The following DPYSL5 variants were observed in gnomAD, a reference collection of about 807,000 sequenced individuals.
DPYSL5 encodes dihydropyrimidinase like 5.
DPYSL5 carries 9 observed loss-of-function variants against 58.4 expected under a neutral mutation model. The observed-to-expected ratio is 0.15, with a 90% CI of 0.09 to 0.27. The LOEUF (loss-of-function observed/expected upper bound fraction) is 0.27. Ranked by LOEUF, DPYSL5 falls within the 10% of genes least tolerant of loss-of-function variation. The probability of loss-of-function intolerance (pLI) is 1.00; values close to 1 mark genes in which losing one functional copy is unlikely to be tolerated. For synonymous variants in DPYSL5, 293 were observed against 301.9 expected (o/e 0.97, Z 0.31); for missense variants, 499 against 770.6 (o/e 0.65, Z 4.17).
chr2:26,877,946 G>A lies in DPYSL5; in HGVS notation c.-4-20550G>A, dbSNP rs1471958427. Among the ~76,000 whole-genome samples the A allele has an allele frequency of 1.3e-5, 2 of 152,192 alleles. No individual in the cohort carries two copies. Among genetic ancestry groups the A allele is most frequent in the East Asian group, 3.8e-4 (2 of 5,204 alleles). On this transcript the variant is annotated intron_variant, in intron 1 of 12. Transcript: ENST00000288699. The surrounding 1 kb of genome is among the most constrained non-coding windows in gnomAD (Gnocchi z 4.1). The stretch of plus-strand genomic sequence containing the variant: ...CAGTCCTCCTATTGTCAGACTTTAA[G>A]CTGGATCTCAAAATATTTGTTATTA...
rs1320040908 is a variant in DPYSL5, at chr2:26,931,167, A to ATGTG, written c.670-472_670-471insGTGT. ...AAAAAAAAAAAATATATATATATAT[A>ATGTG]TATGTGTGTGTGTGTGTGTGTGTGT... is the stretch of plus-strand genomic sequence containing the variant. On this transcript the variant is annotated intron_variant, in intron 5 of 12. Transcript: ENST00000288699. Among the ~76,000 whole-genome samples, 262 of 54,228 alleles carry ATGTG rather than the reference A, an allele frequency of 4.8e-3. 1 individual carries two copies. The highest frequency in any genetic ancestry group is 6.8e-3 in the South Asian group (7 of 1,022). 35.6% of individuals were successfully genotyped at this position (54,228 alleles called of 152,430 possible).
rs113530165 is a variant in DPYSL5, at chr2:26,939,926, G to A, written c.948-105G>A. 6.7e-4 allele frequency: 998 copies of A among 1,487,476 alleles called. 2 individuals are homozygous for A. The highest frequency in any genetic ancestry group is 1.7e-3 in the South Asian group (131 of 79,110). 92.1% of individuals were successfully genotyped at this position (1,487,476 alleles called of 1,614,324 possible). The stretch of plus-strand genomic sequence containing the variant: ...AAGCGGCAGAGCTGAAATTGGAGTC[G>A]GCTTTGCCTGCTTCCCACACGGAGG... On this transcript the variant is annotated intron_variant, in intron 8 of 12. Coordinates refer to ENST00000288699, the MANE Select transcript of DPYSL5 (RefSeq NM_020134.4).
At position 26,934,863 on chromosome 2, in the gene DPYSL5, C is replaced by T. The variant is rs957672336; in HGVS notation, c.947+129C>T. 2.4e-6 allele frequency: 3 copies of T among 1,245,830 alleles called. No homozygotes were observed. Among genetic ancestry groups the T allele is most frequent in the African/African-American group, 3.0e-5 (2 of 66,664 alleles). The allele number at this position is 1,245,830 out of a possible 1,614,324, so 77.2% of individuals were successfully genotyped here. A position where few individuals can be genotyped will look rare whatever the true frequency, so the allele number is the denominator to read the frequency against. ...CATAGGATCATTGTGCTTTTCTTAC[C>T]TTCTCTGAGCCCATCAGATAATTGC... is the stretch of plus-strand genomic sequence containing the variant. On this transcript the variant is annotated intron_variant, in intron 8 of 12. Coordinates refer to ENST00000288699, the MANE Select transcript of DPYSL5 (RefSeq NM_020134.4). This position sits in a 1 kb window ranked among gnomAD's most constrained non-coding sequence, Gnocchi z 4.3.
At chr2:26,895,839 G>C (rs962125407) in intron 1 of DPYSL5, among the ~76,000 whole-genome samples, 1 of 143,308 alleles carries the variant, frequency 7.0e-6, no homozygotes, top group South Asian at 2.2e-4. Context: ...GAAGGGCAGT[G>C]GCATGATCTC....
Position 26,942,115 on chromosome 2 carries a change from A to T in DPYSL5, c.1232+23A>T. 1.2e-6 allele frequency: 2 copies of T among 1,611,948 alleles called. No homozygotes were observed. Among genetic ancestry groups the T allele is most frequent in the Non-Finnish European group, 1.7e-6 (2 of 1,179,116 alleles). On this transcript the variant is annotated intron_variant, in intron 10 of 12. Transcript: ENST00000288699. The surrounding 1 kb of genome is among the most constrained non-coding windows in gnomAD (Gnocchi z 5.9). The stretch of plus-strand genomic sequence containing the variant: ...AAAGTAAAGTTTGTTGCTCGTCCCC[A>T]GGGCTAGAGGGGCTTGGGATTTTGA...
intron 1 of DPYSL5, among the ~76,000 whole-genome samples, chr2:26,889,668 T>C (rs1488903506): frequency 1.3e-5 from 2 of 151,316 alleles, no homozygotes; most frequent in Admixed American, 6.6e-5. Context: ...CCCTTTATGG[T>C]GCTTAAGAAC....
intron 2 of DPYSL5, among the ~76,000 whole-genome samples, chr2:26,921,130 G>T (rs1290491001): frequency 2.0e-5 from 3 of 152,120 alleles, no homozygotes; most frequent in Non-Finnish European, 4.4e-5. Context: ...CATGCTATTT[G>T]GCCCGGGGAT....
chr2:26,939,861 T>G, intron 8 of DPYSL5, 170 bp from the exon 9 acceptor site: 1 of 765,412 alleles, frequency 1.3e-6, no homozygotes, highest in Non-Finnish European at 2.1e-6. Context: ...TAAACTGAGG[T>G]TCACATAGAT....
chr2:26,901,673 G>T (rs568692319), intron 2 of DPYSL5, among the ~76,000 whole-genome samples: 2 of 152,056 alleles, frequency 1.3e-5, no homozygotes, highest in Admixed American at 6.5e-5. Context: ...AATCTCACCC[G>T]AACGATTAGC....
Position 26,942,042 on chromosome 2 carries a change from T to C in DPYSL5, c.1182T>C (p.Ile394=), listed in dbSNP as rs1665336393. 8 of 1,614,184 alleles carry C rather than the reference T, an allele frequency of 5.0e-6. No homozygotes were observed. The highest frequency in any genetic ancestry group is 6.8e-6 in the Non-Finnish European group (8 of 1,180,036). Residue 394 remains isoleucine (I), a synonymous_variant, in exon 10 of 13, where the codon ATT becomes ATC. Coordinates refer to ENST00000288699, the MANE Select transcript of DPYSL5 (RefSeq NM_020134.4). This position sits in a 1 kb window ranked among gnomAD's most constrained non-coding sequence, Gnocchi z 5.9. ...LLNLYPRKGR[I]IPGADADVVV... is the part of the protein sequence containing the mutation. Reference sequence around the variant, plus strand: ...ACCTGTATCCCCGCAAGGGCCGCATTATTCCCGGAGCCGATGCTGATGTGG... The same window carrying C: ...ACCTGTATCCCCGCAAGGGCCGCATCATTCCCGGAGCCGATGCTGATGTGG...
chr2:26,932,742 G>A (rs979298707), intron 6 of DPYSL5, among the ~76,000 whole-genome samples: 8 of 152,234 alleles, frequency 5.3e-5, no homozygotes, highest in South Asian at 4.2e-4. Context: ...CCAGGTGTCC[G>A]TTCGCAAGGT....
At chr2:26,875,971 C>T (rs183402893) in intron 1 of DPYSL5, among the ~76,000 whole-genome samples, 4 of 152,254 alleles carry the variant, frequency 2.6e-5, no homozygotes, top group South Asian at 2.1e-4. Flanking sequence ...TCTCTTTTAT[C>T]GGTAGGTATG....
At chr2:26,943,781 T>C (rs1344044970) in intron 11 of DPYSL5, among the ~76,000 whole-genome samples, 3 of 152,180 alleles carry the variant, frequency 2.0e-5, no homozygotes, top group African/African-American at 7.2e-5. Flanking sequence ...AGAGTTGGGA[T>C]TGGAACCTAG....
At chr2:26,906,384 A>G (rs1664291853) in intron 2 of DPYSL5, among the ~76,000 whole-genome samples, 1 of 151,876 alleles carries the variant, frequency 6.6e-6, no homozygotes, top group African/African-American at 2.4e-5. Flanking sequence ...AGGTTTCACC[A>G]TGTTGGCCAG....
intron 1 of DPYSL5, among the ~76,000 whole-genome samples, chr2:26,852,634 G>A (rs1051112577): frequency 4.6e-5 from 7 of 152,164 alleles, no homozygotes; most frequent in East Asian, 1.9e-4. Flanking sequence ...CAGCGGTAGC[G>A]TGTACAGGAG....
chr2:26,878,531 CT>C (rs1663469296), intron 1 of DPYSL5, among the ~76,000 whole-genome samples: 1 of 152,012 alleles, frequency 6.6e-6, no homozygotes, highest in South Asian at 2.1e-4. Context: ...TGGTTTCCGG[CT>C]TTGGATTATG....
chr2:26,928,312 C>T lies in DPYSL5; in HGVS notation c.658C>T (p.Arg220Cys). 4.3e-6 allele frequency: 7 copies of T among 1,613,924 alleles called. No individual in the cohort carries two copies. The highest frequency in any genetic ancestry group is 5.9e-6 in the Non-Finnish European group (7 of 1,179,928). Residue 220 changes from arginine (R) to cysteine (C), a missense_variant, in exon 5 of 13, where the codon CGT becomes TGT. Coordinates refer to ENST00000288699, the MANE Select transcript of DPYSL5 (RefSeq NM_020134.4). ...AGGCCCAGAAGGAATCGAGATCAGCCGTCCAGAGGAGGTGAGAAACACTTC... is the reference window on the plus strand; with the variant it reads ...AGGCCCAGAAGGAATCGAGATCAGCTGTCCAGAGGAGGTGAGAAACACTTC... ...ITGPEGIEIS[R>C]PEELEAEATH...
At chr2:26,859,736 C>T (rs1047340123) in intron 1 of DPYSL5, among the ~76,000 whole-genome samples, 3 of 152,024 alleles carry the variant, frequency 2.0e-5, no homozygotes, top group African/African-American at 4.8e-5. Context: ...AGAGATGATT[C>T]GGTTATGAGA....
rs1572709534 is a variant in DPYSL5, at chr2:26,924,791, C to T, written c.262-96C>T. On this transcript the variant is annotated intron_variant, in intron 2 of 12. Coordinates refer to ENST00000288699, the MANE Select transcript of DPYSL5 (RefSeq NM_020134.4). The surrounding 1 kb of genome is among the most constrained non-coding windows in gnomAD (Gnocchi z 4.7). ...CTCACAGCCTCTTGTGAGGCAGGGC[C>T]TGTCTTTGAATGGACCATGAGGACC... 7 of 1,472,218 alleles carry T rather than the reference C, an allele frequency of 4.8e-6. No homozygotes were observed. Among genetic ancestry groups the T allele is most frequent in the Admixed American group, 4.4e-5 (2 of 45,422 alleles). The allele number at this position is 1,472,218 out of a possible 1,614,324, so 91.2% of individuals were successfully genotyped here.
Sources: gnomAD v4.1 joint callset for allele counts (sites outside exome capture counted in the v4.1 genomes callset) on GRCh38, gnomAD v4.1.1 for gene constraint, Gnocchi (gnomAD v3.1) non-coding constraint, MANE v1.5 for transcripts, NCBI Gene and HGNC (gene_info 2026-07-23, HGNC 2026-07-21) for gene names.